Variants in SUCNR1 observed in about 807,000 individuals in gnomAD.
The protein encoded by SUCNR1 is G-protein coupled receptor 91.
Under a neutral mutation model 2.4 loss-of-function variants are expected in SUCNR1, and 5 were observed. The ratio of observed to expected loss-of-function variants is 2.07; its 90% CI spans 1.08 to 4.36. SUCNR1 has a LOEUF of 4.36. SUCNR1 is among the 30% of genes most tolerant of loss of function. The pLI, the probability that SUCNR1 is intolerant of heterozygous loss-of-function variation, is 0.00. For synonymous variants in SUCNR1, 162 were observed against 143.9 expected (o/e 1.13, Z -0.90); for missense variants, 373 against 399.2 (o/e 0.93, Z 0.56).
At chr3:151,874,125 CATAT>C (rs1171918094) in intron 1 of SUCNR1, among the ~76,000 whole-genome samples, 166 of 86,782 alleles carry the variant, frequency 1.9e-3, no homozygotes, top group Middle Eastern at 0.013. Context: ...CATATACATA[CATAT>C]ATATATATAT....
rs754601547 is a variant in SUCNR1 at position 151,881,204 on chromosome 3, G to A, written c.661G>A (p.Val221Ile). The A allele has an allele frequency of 2.3e-5, 37 of 1,614,148 alleles. No individual in the cohort carries two copies. Among genetic ancestry groups the A allele is most frequent in the Non-Finnish European group, 3.1e-5 (37 of 1,180,026 alleles). ...CTTCCTAAAGCAGAGGAATAGGCAG[G>A]TTGCTACTGCTCTGCCCCTTGAAAA... ...ALFLKQRNRQ[V>I]ATALPLEKPL... is the part of the protein sequence containing the mutation. Residue 221 changes from valine to isoleucine, a missense_variant, in exon 3 of 3, where the codon GTT becomes ATT. Around this residue, in one of 3 missense-constraint regions of SUCNR1, gnomAD observed 157 missense variants for 178.7 expected, o/e 0.88. Coordinates refer to ENST00000362032, the MANE Select transcript of SUCNR1 (RefSeq NM_033050.6).
At chr3:151,877,468 A>T (rs1717958137) in intron 1 of SUCNR1, among the ~76,000 whole-genome samples, 1 of 152,186 alleles carries the variant, frequency 6.6e-6, no homozygotes, top group African/African-American at 2.4e-5. Context: ...AGAGCAAAAT[A>T]GAGATAAGAG....
Position 151,880,840 on chromosome 3 carries a change from A to G in SUCNR1, c.297A>G (p.Arg99=). 6.2e-7 allele frequency: 1 copy of G among 1,614,134 alleles called. No individual in the cohort carries two copies. The highest frequency in any genetic ancestry group is 8.5e-7 in the Non-Finnish European group (1 of 1,180,016). Residue 99 remains arginine, a synonymous_variant, in exon 3 of 3, where the codon CGA becomes CGG. Coordinates refer to ENST00000362032, the MANE Select transcript of SUCNR1 (RefSeq NM_033050.6). ...IYGDVLCISN[R]YVLHANLYTS... ...GAGACGTGCTCTGCATAAGCAACCG[A>G]TATGTGCTTCATGCCAACCTCTATA...
chr3:151,879,921 C>T lies in SUCNR1; in HGVS notation c.15+14C>T. 6.4e-7 allele frequency: 1 copy of T among 1,563,292 alleles called. No homozygotes were observed. The highest frequency in any genetic ancestry group is 1.7e-4 in the Middle Eastern group (1 of 5,886). ...CTGGGGATCATGGTATGTTTAGAGA[C>T]ACAAAAGTGAATTCAAAATCTTCTC... On this transcript the variant is annotated intron_variant, in intron 2 of 2. Transcript: ENST00000362032.
Position 151,881,416 on chromosome 3 carries a change from C to T in SUCNR1, c.873C>T (p.Asn291=). 1 of 1,614,166 alleles carries T rather than the reference C, an allele frequency of 6.2e-7. No homozygotes were observed. The highest frequency in any genetic ancestry group is 1.3e-5 in the African/African-American group (1 of 75,052). Residue 291 remains asparagine, a synonymous_variant, in exon 3 of 3, where the codon AAC becomes AAT. Coordinates refer to ENST00000362032, the MANE Select transcript of SUCNR1 (RefSeq NM_033050.6). ...RPLAFLNSVI[N]PVFYFLLGDH... ...TGGCCTTTCTGAACAGTGTCATCAA[C>T]CCTGTCTTCTATTTTCTTTTGGGAG... is the stretch of plus-strand genomic sequence containing the variant.
chr3:151,881,237 A>T lies in SUCNR1; in HGVS notation c.694A>T (p.Asn232Tyr). 1.9e-6 allele frequency: 3 copies of T among 1,614,120 alleles called. No homozygotes were observed. Among genetic ancestry groups the T allele is most frequent in the Non-Finnish European group, 2.5e-6 (3 of 1,180,010 alleles). ...ATALPLEKPL[N>Y]LVIMAVVIFS... is the part of the protein sequence containing the mutation. Reference sequence around the variant, plus strand: ...TGCTCTGCCCCTTGAAAAGCCTCTCAACTTGGTCATCATGGCAGTGGTAAT... The same window carrying T: ...TGCTCTGCCCCTTGAAAAGCCTCTCTACTTGGTCATCATGGCAGTGGTAAT... Residue 232 changes from asparagine to tyrosine, a missense_variant, in exon 3 of 3, where the codon AAC becomes TAC. This residue lies in a region of SUCNR1 where 157 missense variants were observed against 178.7 expected (regional missense o/e 0.88). Coordinates refer to ENST00000362032, the MANE Select transcript of SUCNR1 (RefSeq NM_033050.6).
intron 1 of SUCNR1, among the ~76,000 whole-genome samples, chr3:151,876,007 A>G (rs776419075): frequency 6.6e-5 from 10 of 152,238 alleles, no homozygotes; most frequent in Non-Finnish European, 1.2e-4. Flanking sequence ...AGCTATTAAC[A>G]TTACCAGTGG....
chr3:151,881,405 A>G lies in SUCNR1; in HGVS notation c.862A>G (p.Ser288Gly). The change falls in exon 3 of 3, where the codon AGT becomes GGT. Residue 288 changes from serine to glycine, a missense_variant. By Grantham distance (56) the Ser-to-Gly change is moderately conservative (BLOSUM62 0). This residue lies in a region of SUCNR1 where 157 missense variants were observed against 178.7 expected (regional missense o/e 0.88). Transcript: ENST00000362032. ...GACACGGCCTTTGGCCTTTCTGAAC[A>G]GTGTCATCAACCCTGTCTTCTATTT... ...IVTRPLAFLN[S>G]VINPVFYFLL... 1 of 1,614,204 alleles carries G rather than the reference A, an allele frequency of 6.2e-7. No individual in the cohort carries two copies. Among genetic ancestry groups the G allele is most frequent in the Non-Finnish European group, 8.5e-7 (1 of 1,180,028 alleles).
In SUCNR1 at chr3:151,881,303, G is replaced by A. The variant is rs912470352; in HGVS notation, c.760G>A (p.Val254Met). 6.2e-7 allele frequency: 1 copy of A among 1,614,234 alleles called. No individual in the cohort carries two copies. The highest frequency in any genetic ancestry group is 8.5e-7 in the Non-Finnish European group (1 of 1,180,032). Residue 254 changes from valine to methionine, a missense_variant, in exon 3 of 3, where the codon GTG (valine) becomes ATG (methionine). Val to Met is a conservative substitution (Grantham distance 21). Around this residue, in one of 3 missense-constraint regions of SUCNR1, gnomAD observed 157 missense variants for 178.7 expected, o/e 0.88. Transcript: ENST00000362032. ...TACACCCTATCACGTCATGCGGAAT[G>A]TGAGGATCGCTTCACGCCTGGGGAG... ...LFTPYHVMRN[V>M]RIASRLGSWK...
Position 151,880,926 on chromosome 3 carries a change from T to C in SUCNR1, c.383T>C (p.Phe128Ser), listed in dbSNP as rs768154150. ...IDRYLIIKYPFREHLLQKKEF... is the reference protein window; with the variant it reads ...IDRYLIIKYPSREHLLQKKEF... ...CGATACTTGATAATTAAGTATCCTT[T>C]CCGAGAACACCTTCTGCAAAAGAAA... The change falls in exon 3 of 3, where the codon TTC (phenylalanine) becomes TCC (serine). Residue 128 changes from phenylalanine (F) to serine (S), a missense_variant. By Grantham distance (155) the Phe-to-Ser change is radical. Transcript: ENST00000362032. The C allele has an allele frequency of 1.9e-6, 3 of 1,614,058 alleles. No homozygotes were observed. The highest frequency in any genetic ancestry group is 2.5e-6 in the Non-Finnish European group (3 of 1,180,004).
At position 151,879,884 on chromosome 3, in the gene SUCNR1, AACT is replaced by A. The variant is rs1718035174; in HGVS notation, c.-6_-4del. 1 of 1,580,222 alleles carries A rather than the reference AACT, an allele frequency of 6.3e-7. No individual in the cohort carries two copies. The highest frequency in any genetic ancestry group is 8.6e-7 in the Non-Finnish European group (1 of 1,162,900). ...TTTAACTCAGCAGAATTTGTTGAAC[AACT>A]ACGACATGCTGGGGATCATGGTATG... On this transcript the variant is annotated 5_prime_UTR_variant, in exon 2 of 3. Transcript: ENST00000362032.
intron 1 of SUCNR1, among the ~76,000 whole-genome samples, chr3:151,875,983 G>A (rs1269470529): frequency 2.0e-5 from 3 of 152,134 alleles, no homozygotes; most frequent in Non-Finnish European, 4.4e-5. Flanking sequence ...TCTTTCTGCT[G>A]TGCACAATAC....
Position 151,881,326 on chromosome 3 carries a change from G to T in SUCNR1, c.783G>T (p.Gly261=), listed in dbSNP as rs771928792. ...MRNVRIASRL[G]SWKQYQCTQV... ...ATGTGAGGATCGCTTCACGCCTGGG[G>T]AGTTGGAAGCAGTATCAGTGCACTC... is the stretch of plus-strand genomic sequence containing the variant. The change falls in exon 3 of 3, where the codon GGG becomes GGT. Residue 261 remains glycine, a synonymous_variant. Coordinates refer to ENST00000362032, the MANE Select transcript of SUCNR1 (RefSeq NM_033050.6). 4 of 1,614,054 alleles carry T rather than the reference G, an allele frequency of 2.5e-6. No homozygotes were observed. The highest frequency in any genetic ancestry group is 3.4e-6 in the Non-Finnish European group (4 of 1,180,024).
At chr3:151,879,020 A>C (rs1718003289) in intron 1 of SUCNR1, among the ~76,000 whole-genome samples, 1 of 152,196 alleles carries the variant, frequency 6.6e-6, no homozygotes, top group African/African-American at 2.4e-5. Flanking sequence ...GTTTGTTTGC[A>C]ACTAATACTC....
chr3:151,875,706 A>G (rs1014846424), intron 1 of SUCNR1, among the ~76,000 whole-genome samples: 1 of 152,188 alleles, frequency 6.6e-6, no homozygotes, highest in African/African-American at 2.4e-5. Flanking sequence ...AATTTTACAC[A>G]TACATTTTTA....
At position 151,880,918 on chromosome 3, in the gene SUCNR1, G is replaced by A; in HGVS notation, c.375G>A (p.Lys125=). The stretch of plus-strand genomic sequence containing the variant: ...GCATAGATCGATACTTGATAATTAA[G>A]TATCCTTTCCGAGAACACCTTCTGC... ...FISIDRYLII[K]YPFREHLLQK... Residue 125 remains lysine, a synonymous_variant, in exon 3 of 3, where the codon AAG becomes AAA. Coordinates refer to ENST00000362032, the MANE Select transcript of SUCNR1 (RefSeq NM_033050.6). 1 of 1,613,708 alleles carries A rather than the reference G, an allele frequency of 6.2e-7. No individual in the cohort carries two copies. The highest frequency in any genetic ancestry group is 8.5e-7 in the Non-Finnish European group (1 of 1,180,008).
chr3:151,874,340 A>ATT (rs200520994), intron 1 of SUCNR1, among the ~76,000 whole-genome samples: 3 of 149,702 alleles, frequency 2.0e-5, no homozygotes, highest in African/African-American at 7.4e-5. Context: ...ACGCCCGGCT[A>ATT]TTTTTTTTGG....
In SUCNR1 at chr3:151,881,771, A is replaced by C. The variant is rs1718107970; in HGVS notation, c.*223A>C. 1 of 482,872 alleles carries C rather than the reference A, an allele frequency of 2.1e-6. No homozygotes were observed. The highest frequency in any genetic ancestry group is 3.3e-5 in the South Asian group (1 of 30,016). The allele number at this position is 482,872 out of a possible 1,614,324, so 29.9% of individuals were successfully genotyped here. ...CTTATGTTTGGGCATGTAACTCCAAAATACTAGGTAGTATAAGGCTTTCTC... is the reference window on the plus strand; with the variant it reads ...CTTATGTTTGGGCATGTAACTCCAACATACTAGGTAGTATAAGGCTTTCTC... On this transcript the variant is annotated 3_prime_UTR_variant, in exon 3 of 3. Coordinates refer to ENST00000362032, the MANE Select transcript of SUCNR1 (RefSeq NM_033050.6).
intron 1 of SUCNR1, among the ~76,000 whole-genome samples, chr3:151,874,444 T>C (rs975780693): frequency 2.0e-5 from 3 of 151,950 alleles, no homozygotes; most frequent in African/African-American, 4.8e-5. Context: ...TCTCCAAGTG[T>C]TGGGATTCCA....
Sources: allele counts gnomAD v4.1 joint callset (sites outside exome capture counted in the v4.1 genomes callset), GRCh38; gene constraint gnomAD v4.1.1; regional missense constraint gnomAD v4.1.1; transcripts MANE v1.5; gene names NCBI Gene and HGNC (gene_info 2026-07-23, HGNC 2026-07-21).